Variants in KIF6 observed in about 807,000 individuals in gnomAD.
KIF6 encodes kinesin family member 6.
A neutral mutation model predicts 112.7 loss-of-function variants in KIF6; 106 were observed. The ratio of observed to expected loss-of-function variants is 0.94; its 90% CI spans 0.80 to 1.11. The LOEUF (loss-of-function observed/expected upper bound fraction) is 1.11. KIF6 is among the 50% of genes least tolerant of loss of function. The probability of loss-of-function intolerance (pLI) is 0.00; values close to 1 mark genes in which losing one functional copy is unlikely to be tolerated. For synonymous variants in KIF6, 339 were observed against 339.9 expected, an observed-to-expected ratio of 1.00 and a Z score of 0.03; for missense variants, 929 against 964.0, an observed-to-expected ratio of 0.96 and a Z score of 0.48.
At chr6:39,650,984 A>T (rs1318506832) in intron 3 of KIF6, among the ~76,000 whole-genome samples, 3 of 152,194 alleles carry the variant, frequency 2.0e-5, no homozygotes, top group African/African-American at 7.2e-5. Context: ...GTAAAGCAAG[A>T]TAACCACCAA....
chr6:39,444,414 A>C (rs911985811), intron 13 of KIF6, among the ~76,000 whole-genome samples: 18 of 152,170 alleles, frequency 1.2e-4, no homozygotes, highest in Admixed American at 4.6e-4. Flanking sequence ...ACATCCATCA[A>C]CTTATATAGT....
intron 1 of KIF6, 24 bp downstream of exon 1, chr6:39,725,221 C>T (rs1441103596): frequency 1.3e-6 from 2 of 1,598,478 alleles, no homozygotes; most frequent in Non-Finnish European, 8.5e-7. Context: ...GCCGCGCCGG[C>T]GCCCCGGAGG....
At chr6:39,421,988 C>T (rs1192181788) in intron 14 of KIF6, among the ~76,000 whole-genome samples, 1 of 152,166 alleles carries the variant, frequency 6.6e-6, no homozygotes, top group African/African-American at 2.4e-5. Context: ...CATCACTGCT[C>T]TGTCCATCCC....
chr6:39,543,626 A>AG (rs397715018), intron 12 of KIF6, among the ~76,000 whole-genome samples: 2 of 152,076 alleles, frequency 1.3e-5, no homozygotes, highest in East Asian at 3.8e-4. Flanking sequence ...ATTTAAAAAA[A>AG]GAACAAAAAT....
Position 39,336,330 on chromosome 6 carries a change from T to A in KIF6, c.*202A>T, listed in dbSNP as rs1762910063. Reference sequence around the variant, plus strand: ...TCCAGCAACCACAGGAAGGATGTTGTGGTCAGCCCCAGCCCCAGCCTCTCG... The same window carrying A: ...TCCAGCAACCACAGGAAGGATGTTGAGGTCAGCCCCAGCCCCAGCCTCTCG... On this transcript the variant is annotated 3_prime_UTR_variant, in exon 23 of 23. Coordinates refer to ENST00000287152, the MANE Select transcript of KIF6 (RefSeq NM_145027.6). 2 of 577,772 alleles carry A rather than the reference T, an allele frequency of 3.5e-6. No individual in the cohort carries two copies. Among genetic ancestry groups the A allele is most frequent in the Non-Finnish European group, 6.2e-6 (2 of 324,688 alleles). The allele number at this position is 577,772 out of a possible 1,614,324, so 35.8% of individuals were successfully genotyped here. A position where few individuals can be genotyped will look rare whatever the true frequency, so the allele number is the denominator to read the frequency against.
Position 39,343,691 on chromosome 6 carries a change from C to G in KIF6, c.2428+18G>C. ...TGACCTGCTGCCCAGGAGGAGCCAC[C>G]GAGGGAGGTGCACTTACATTGCTTC... On this transcript the variant is annotated intron_variant, in intron 22 of 22. Transcript: ENST00000287152. This position sits in a 1 kb window ranked among gnomAD's most constrained non-coding sequence, Gnocchi z 4.1. The G allele has an allele frequency of 6.4e-7, 1 of 1,574,724 alleles. No individual in the cohort carries two copies. Among genetic ancestry groups the G allele is most frequent in the South Asian group, 1.2e-5 (1 of 85,772 alleles).
chr6:39,691,286 GA>G (rs1279685521), intron 3 of KIF6: 1 of 152,210 alleles, frequency 6.6e-6, no homozygotes, highest in African/African-American at 2.4e-5. Flanking sequence ...TGAGGTAGCA[GA>G]AACGGAAAAG....
At chr6:39,632,131 T>C (rs1397593184) in intron 5 of KIF6, among the ~76,000 whole-genome samples, 1 of 152,032 alleles carries the variant, frequency 6.6e-6, no homozygotes, top group Non-Finnish European at 1.5e-5. Flanking sequence ...GACAGTTTTA[T>C]AGGCAAAAGT....
At chr6:39,361,296 C>T (rs532190363) in intron 17 of KIF6, among the ~76,000 whole-genome samples, 50 of 152,118 alleles carry the variant, frequency 3.3e-4, no homozygotes, top group African/African-American at 1.2e-3. Flanking sequence ...TGGTGGTTCA[C>T]ACCTGTAATC....
At chr6:39,497,395 C>A (rs983717418) in intron 13 of KIF6, among the ~76,000 whole-genome samples, 1 of 152,140 alleles carries the variant, frequency 6.6e-6, no homozygotes, top group Non-Finnish European at 1.5e-5. Context: ...TGGGGAAGGC[C>A]GTAAGAGTTT....
chr6:39,365,824 C>T (rs1010002462), intron 16 of KIF6, among the ~76,000 whole-genome samples: 4 of 152,194 alleles, frequency 2.6e-5, no homozygotes, highest in South Asian at 2.1e-4. Flanking sequence ...CTGCTGGAGG[C>T]GGGCGGAGGA....
chr6:39,494,163 T>C (rs1306347526), intron 13 of KIF6, among the ~76,000 whole-genome samples: 1 of 152,206 alleles, frequency 6.6e-6, no homozygotes, highest in Non-Finnish European at 1.5e-5. Flanking sequence ...ATATATAGCT[T>C]GGAAAGTAAG....
rs1192906725 is a variant in KIF6, at chr6:39,520,357, C to T, written c.1645+19646G>A. ...TTCAGATTGAACTGTCCTCTATTTT[C>T]GTTTAATAAAGCTGGCAGCTCCAAC... On this transcript the variant is annotated intron_variant, in intron 13 of 22. Transcript: ENST00000287152. Among the ~76,000 whole-genome samples, 6 of 152,140 alleles carry T rather than the reference C, an allele frequency of 3.9e-5. No homozygotes were observed. The East Asian group carries it at 9.6e-4, about 24-fold the overall frequency.
At chr6:39,704,153 A>G (rs114419413) in intron 3 of KIF6, among the ~76,000 whole-genome samples, 2,034 of 152,292 alleles carry the variant, frequency 0.013, 47 homozygotes, top group African/African-American at 0.047. Context: ...TTTTCTATAA[A>G]AATGTCAGTG....
chr6:39,562,465 G>C (rs1490019033), intron 10 of KIF6, among the ~76,000 whole-genome samples: 7 of 152,108 alleles, frequency 4.6e-5, no homozygotes, highest in Non-Finnish European at 5.9e-5. Flanking sequence ...TTCCAGATAG[G>C]CCTTAGTTTT....
intron 19 of KIF6, among the ~76,000 whole-genome samples, chr6:39,352,334 A>G (rs930650969): frequency 6.6e-6 from 1 of 152,216 alleles, no homozygotes; most frequent in Non-Finnish European, 1.5e-5. Flanking sequence ...GTACAGCTCT[A>G]TGGATTTTGA....
At chr6:39,427,592 A>C (rs948362807) in intron 14 of KIF6, among the ~76,000 whole-genome samples, 1 of 152,222 alleles carries the variant, frequency 6.6e-6, no homozygotes, top group African/African-American at 2.4e-5. Flanking sequence ...TTTTTAAAAA[A>C]ATATGGGCTG....
intron 13 of KIF6, among the ~76,000 whole-genome samples, chr6:39,476,094 G>C (rs578181105): frequency 6.6e-6 from 1 of 151,874 alleles, no homozygotes; most frequent in Non-Finnish European, 1.5e-5. Context: ...TAATGCATGC[G>C]GGGCTTAACA....
chr6:39,615,470 A>G (rs912203501), intron 5 of KIF6, among the ~76,000 whole-genome samples: 4 of 152,044 alleles, frequency 2.6e-5, no homozygotes, highest in Non-Finnish European at 4.4e-5. Context: ...CTATCTGTGG[A>G]TACACACACC....
Sources: gnomAD v4.1 joint callset for allele counts (sites outside exome capture counted in the v4.1 genomes callset) on GRCh38, gnomAD v4.1.1 for gene constraint, Gnocchi (gnomAD v3.1) non-coding constraint, MANE v1.5 for transcripts, NCBI Gene and HGNC (gene_info 2026-07-23, HGNC 2026-07-21) for gene names.